CNTN4: variants seen among roughly 807,000 people sequenced by gnomAD.
CNTN4 encodes the protein contactin 4.
CNTN4 carries 77 observed loss-of-function variants against 122.5 expected under a neutral mutation model. The ratio of observed to expected loss-of-function variants is 0.63; its 90% confidence interval spans 0.52 to 0.76. The LOEUF (loss-of-function observed/expected upper bound fraction) is 0.76, where lower values mean the gene tolerates loss of function less well. Ranked by LOEUF, CNTN4 falls within the 30% of genes least tolerant of loss-of-function variation. The probability of loss-of-function intolerance (pLI) is 0.00; values close to 1 mark genes in which losing one functional copy is unlikely to be tolerated. For missense variants in CNTN4, 1,256 were observed against 1,259.1 expected, an observed-to-expected ratio of 1.00 and a Z score of 0.04; for synonymous variants, 512 against 447.0, an observed-to-expected ratio of 1.15 and a Z score of -1.83.
At chr3:2,984,541 T>C (rs1235804179) in intron 13 of CNTN4, among the ~76,000 whole-genome samples, 1 of 152,224 alleles carries the variant, frequency 6.6e-6, no homozygotes, top group Non-Finnish European at 1.5e-5. Flanking sequence ...AAACTCTGTC[T>C]CAGAGCTTGC....
intron 2 of CNTN4, among the ~76,000 whole-genome samples, chr3:2,275,763 T>C (rs149673794): frequency 1.4e-3 from 217 of 151,226 alleles, no homozygotes; most frequent in African/African-American, 5.0e-3. Flanking sequence ...CTACTGAAAA[T>C]ACAAAAATTA....
intron 6 of CNTN4, among the ~76,000 whole-genome samples, chr3:2,760,710 C>T (rs2090548993): frequency 6.6e-6 from 1 of 152,192 alleles, no homozygotes; most frequent in Non-Finnish European, 1.5e-5. Flanking sequence ...GCAAAACATA[C>T]TGCCTTTGGA....
At chr3:2,374,086 C>G (rs1392472629) in intron 3 of CNTN4, among the ~76,000 whole-genome samples, 1 of 152,098 alleles carries the variant, frequency 6.6e-6, no homozygotes, top group Non-Finnish European at 1.5e-5. Context: ...TTTAGAACCC[C>G]TAAAGAAGAT....
chr3:2,610,711 G>A (rs888312714), intron 4 of CNTN4, among the ~76,000 whole-genome samples: 1 of 152,092 alleles, frequency 6.6e-6, no homozygotes, highest in South Asian at 2.1e-4. Context: ...AAAATTAATA[G>A]GTATCTCATA....
chr3:3,028,541 G>A (rs56193922), intron 15 of CNTN4, among the ~76,000 whole-genome samples: 15,907 of 152,200 alleles, frequency 0.1, 987 homozygotes, highest in African/African-American at 0.16. Context: ...TATCCAGGCT[G>A]CAAGTTTCTT....
chr3:2,170,212 C>A (rs71309872), intron 2 of CNTN4, among the ~76,000 whole-genome samples: 16,743 of 151,290 alleles, frequency 0.11, 1,148 homozygotes, highest in South Asian at 0.19. Context: ...CCCAGCTACT[C>A]GGGAGGCTGA....
intron 13 of CNTN4, among the ~76,000 whole-genome samples, chr3:2,971,392 T>A (rs1692916319): frequency 1.3e-5 from 2 of 152,104 alleles, no homozygotes; most frequent in Non-Finnish European, 2.9e-5. Context: ...ATTTGGCCTT[T>A]CTTATTGCTC....
chr3:2,644,443 AGTCTC>A (rs1228817417), intron 4 of CNTN4, among the ~76,000 whole-genome samples: 1 of 152,078 alleles, frequency 6.6e-6, no homozygotes, highest in Non-Finnish European at 1.5e-5. Flanking sequence ...AACTCTCTTG[AGTCTC>A]AGAGCCAAGA....
chr3:2,399,305 C>T (rs1385102889), intron 3 of CNTN4, among the ~76,000 whole-genome samples: 1 of 151,854 alleles, frequency 6.6e-6, no homozygotes, highest in Non-Finnish European at 1.5e-5. Context: ...TATCTAGTGT[C>T]TTATGTTATT....
At chr3:2,535,927 C>G (rs1414859633) in intron 3 of CNTN4, among the ~76,000 whole-genome samples, 1 of 152,004 alleles carries the variant, frequency 6.6e-6, no homozygotes, top group Admixed American at 6.6e-5. Context: ...CTGAAGAAAT[C>G]CCCCATTTTC....
intron 14 of CNTN4, among the ~76,000 whole-genome samples, chr3:3,009,729 G>T (rs538276224): frequency 1.3e-5 from 2 of 152,156 alleles, no homozygotes; most frequent in Non-Finnish European, 2.9e-5. Context: ...CACCGCGCCC[G>T]GCCAGCATTT....
Position 2,776,091 on chromosome 3 carries a change from A to T in CNTN4, c.358+30394A>T, listed in dbSNP as rs1243292457. On this transcript the variant is annotated intron_variant, in intron 6 of 24. Coordinates refer to ENST00000418658, the MANE Select transcript of CNTN4 (RefSeq NM_175607.3). ...TGATTATTGAACTTATTTGAACACA[A>T]AGTTTGAGGATGGCCACCCAGAAGG... is the stretch of plus-strand genomic sequence containing the variant. Among the ~76,000 whole-genome samples the T allele has an allele frequency of 2.6e-5, 4 of 152,296 alleles. No homozygotes were observed. In the South Asian group the frequency reaches 6.2e-4, roughly 24 times the overall value.
intron 6 of CNTN4, among the ~76,000 whole-genome samples, chr3:2,786,501 C>G (rs1245046749): frequency 6.6e-6 from 1 of 151,570 alleles, no homozygotes; most frequent in Non-Finnish European, 1.5e-5. Context: ...CGTAAGCAAG[C>G]TACCCCTTCA....
chr3:2,429,295 C>G (rs537641312), intron 3 of CNTN4, among the ~76,000 whole-genome samples: 1 of 152,310 alleles, frequency 6.6e-6, no homozygotes, highest in South Asian at 2.1e-4. Context: ...AGTTTTCCTT[C>G]AAACAGTCAG....
intron 12 of CNTN4, among the ~76,000 whole-genome samples, chr3:2,903,453 C>T (rs762667832): frequency 1.1e-4 from 16 of 152,316 alleles, no homozygotes; most frequent in South Asian, 8.3e-4. Flanking sequence ...CTTCCAACTA[C>T]ATGTTTGATC....
intron 4 of CNTN4, among the ~76,000 whole-genome samples, chr3:2,702,301 C>G (rs769098504): frequency 6.6e-5 from 10 of 152,148 alleles, no homozygotes; most frequent in Non-Finnish European, 1.5e-5. Context: ...AGCATATGTC[C>G]ACTGTGGGAA....
At chr3:2,881,144 C>T (rs1203627560) in intron 8 of CNTN4, among the ~76,000 whole-genome samples, 1 of 152,164 alleles carries the variant, frequency 6.6e-6, no homozygotes, top group South Asian at 2.1e-4. Context: ...TCATCAGACA[C>T]CCAGGGTTGA....
At chr3:2,492,992 T>C (rs2076359612) in intron 3 of CNTN4, among the ~76,000 whole-genome samples, 1 of 152,192 alleles carries the variant, frequency 6.6e-6, no homozygotes, top group Non-Finnish European at 1.5e-5. Flanking sequence ...TTAAGAACTG[T>C]TTTTATTGAT....
chr3:2,651,389 C>T (rs1470243941), intron 4 of CNTN4, among the ~76,000 whole-genome samples: 2 of 152,140 alleles, frequency 1.3e-5, no homozygotes, highest in African/African-American at 4.8e-5. Flanking sequence ...AGTGTCAGTT[C>T]ACCAAGGACA....
Sources: allele counts gnomAD v4.1 joint callset (sites outside exome capture counted in the v4.1 genomes callset), GRCh38; gene constraint gnomAD v4.1.1; transcripts MANE v1.5; gene names NCBI Gene and HGNC (gene_info 2026-07-23, HGNC 2026-07-21).